The following GRIN3A variants were observed in gnomAD, a reference collection of about 807,000 sequenced individuals.
GRIN3A encodes the protein glutamate ionotropic receptor NMDA type subunit 3A.
GRIN3A carries 47 observed loss-of-function variants against 92.4 expected under a neutral mutation model. That is an observed-to-expected ratio of 0.51 (90% confidence interval 0.40 to 0.65). The LOEUF is 0.65. Ranked by LOEUF, GRIN3A falls within the 30% of genes least tolerant of loss-of-function variation. The pLI, the probability that GRIN3A is intolerant of heterozygous loss-of-function variation, is 0.00. For synonymous variants in GRIN3A, 527 were observed against 540.6 expected (o/e 0.97, Z 0.35); for missense variants, 1,324 against 1,393.1 (o/e 0.95, Z 0.79).
At chr9:101,658,060 A>G (rs1252257167) in intron 3 of GRIN3A, among the ~76,000 whole-genome samples, 3 of 151,882 alleles carry the variant, frequency 2.0e-5, no homozygotes, top group African/African-American at 7.2e-5. Flanking sequence ...GGTAGGGGAG[A>G]ACATTTTTAC....
chr9:101,592,772 A>G (rs879726769), intron 6 of GRIN3A: 2 of 125,588 alleles, frequency 1.6e-5, no homozygotes, highest in Non-Finnish European at 3.5e-5. Context: ...TTTTTTTTCT[A>G]TTTTGGTCAA....
chr9:101,675,068 C>T (rs1729609556), intron 2 of GRIN3A, among the ~76,000 whole-genome samples: 11 of 151,954 alleles, frequency 7.2e-5, no homozygotes, highest in Admixed American at 6.6e-4. Flanking sequence ...GACTAAGAGA[C>T]CACTTACAAT....
At position 101,573,612 on chromosome 9, in the gene GRIN3A, G is replaced by C; in HGVS notation, c.3009-99C>G. 4.2e-6 allele frequency: 4 copies of C among 950,888 alleles called. No homozygotes were observed. The South Asian group carries it at 5.4e-5, about 13-fold the overall frequency. The allele number at this position is 950,888 out of a possible 1,614,324, so 58.9% of individuals were successfully genotyped here. On this transcript the variant is annotated intron_variant, in intron 8 of 8. Coordinates refer to ENST00000361820, the MANE Select transcript of GRIN3A (RefSeq NM_133445.3). ...TTTCCTGTGCAATAATATGGAGCTGGGTGTGCATTTAGAGATGAAGTAACA... is the reference window on the plus strand; with the variant it reads ...TTTCCTGTGCAATAATATGGAGCTGCGTGTGCATTTAGAGATGAAGTAACA...
At chr9:101,647,353 G>A (rs1429442716) in intron 3 of GRIN3A, among the ~76,000 whole-genome samples, 2 of 151,716 alleles carry the variant, frequency 1.3e-5, no homozygotes, top group African/African-American at 2.4e-5. Flanking sequence ...CTACTTGGTC[G>A]TGGTGAATGA....
intron 6 of GRIN3A, among the ~76,000 whole-genome samples, chr9:101,611,643 T>C (rs1022276414): frequency 6.6e-6 from 1 of 152,214 alleles, no homozygotes; most frequent in Non-Finnish European, 1.5e-5. Context: ...TGCTGCTATA[T>C]ATGAGACATT....
In GRIN3A at chr9:101,573,016, C is replaced by T; in HGVS notation, c.*158G>A. 1.5e-6 allele frequency: 1 copy of T among 665,084 alleles called. No individual in the cohort carries two copies. Among genetic ancestry groups the T allele is most frequent in the South Asian group, 1.7e-5 (1 of 58,346 alleles). The allele number at this position is 665,084 out of a possible 1,614,324, so 41.2% of individuals were successfully genotyped here. A position where few individuals can be genotyped will look rare whatever the true frequency, so the allele number is the denominator to read the frequency against. ...TAGAGAGTGAGCTTGAGAGGAGCTG[C>T]TGCTGCACTTTAGGCGAGGGAGAGC... On this transcript the variant is annotated 3_prime_UTR_variant, in exon 9 of 9. Transcript: ENST00000361820.
At chr9:101,673,144 T>C (rs763609471) in intron 2 of GRIN3A, among the ~76,000 whole-genome samples, 7 of 152,114 alleles carry the variant, frequency 4.6e-5, no homozygotes, top group Non-Finnish European at 1.0e-4. Context: ...TGTTTGAGGC[T>C]TAATGATTAT....
chr9:101,666,343 C>T (rs571524394), intron 3 of GRIN3A, among the ~76,000 whole-genome samples: 7 of 151,990 alleles, frequency 4.6e-5, no homozygotes, highest in African/African-American at 1.4e-4. Context: ...AAAAATGCCA[C>T]GTATGCTATA....
At chr9:101,677,498 G>A (rs1829413979) in intron 2 of GRIN3A, among the ~76,000 whole-genome samples, 1 of 151,912 alleles carries the variant, frequency 6.6e-6, no homozygotes, top group South Asian at 2.1e-4. Context: ...ACCATCGTTA[G>A]TTAATTTACT....
At chr9:101,673,007 T>A (rs924288707) in intron 2 of GRIN3A, among the ~76,000 whole-genome samples, 3 of 152,134 alleles carry the variant, frequency 2.0e-5, no homozygotes, top group African/African-American at 4.8e-5. Context: ...AACACACACA[T>A]ATACATACTT....
At chr9:101,607,148 G>A (rs1828297627) in intron 6 of GRIN3A, among the ~76,000 whole-genome samples, 1 of 129,846 alleles carries the variant, frequency 7.7e-6, no homozygotes, top group African/African-American at 3.4e-5. Context: ...ATAAAGCCCT[G>A]GAATTCAGGA....
At chr9:101,731,628 G>A (rs1830140483) in intron 1 of GRIN3A, among the ~76,000 whole-genome samples, 1 of 152,130 alleles carries the variant, frequency 6.6e-6, no homozygotes, top group Non-Finnish European at 1.5e-5. Flanking sequence ...TACTCCTCAT[G>A]ACATAATGCC....
At chr9:101,667,864 G>T (rs550518974) in intron 3 of GRIN3A, among the ~76,000 whole-genome samples, 26 of 152,050 alleles carry the variant, frequency 1.7e-4, no homozygotes, top group Middle Eastern at 3.4e-3. Context: ...AAGTAATCTG[G>T]GTGTCTTTTT....
At chr9:101,600,638 A>G (rs1828198636) in intron 6 of GRIN3A, among the ~76,000 whole-genome samples, 2 of 152,316 alleles carry the variant, frequency 1.3e-5, no homozygotes, top group Middle Eastern at 6.8e-3. Flanking sequence ...CAGGTAGAAG[A>G]AACTCCATGT....
intron 5 of GRIN3A, among the ~76,000 whole-genome samples, chr9:101,614,584 C>CAT (rs1046022914): frequency 1.3e-4 from 18 of 138,166 alleles, no homozygotes; most frequent in African/African-American, 4.5e-4. Flanking sequence ...TTTAGGAATA[C>CAT]ATATATATGC....
intron 6 of GRIN3A, chr9:101,594,315 A>T: frequency 6.9e-7 from 1 of 1,454,468 alleles, no homozygotes; most frequent in Non-Finnish European, 9.3e-7. Flanking sequence ...ATACTTCCAG[A>T]TAAGTCAGAG....
At chr9:101,579,422 G>A (rs983873816) in intron 6 of GRIN3A, 62 bp from the exon 7 acceptor site, 2 of 1,533,286 alleles carry the variant, frequency 1.3e-6, no homozygotes, top group South Asian at 2.3e-5. Context: ...CAATGCTTGT[G>A]TACTCTTTGG....
At chr9:101,623,095 C>A (rs940797663) in intron 5 of GRIN3A, among the ~76,000 whole-genome samples, 1 of 152,028 alleles carries the variant, frequency 6.6e-6, no homozygotes, top group African/African-American at 2.4e-5. Flanking sequence ...ATATGGGTAA[C>A]AATGATTTTT....
At chr9:101,710,735 G>T (rs1001148897) in intron 1 of GRIN3A, among the ~76,000 whole-genome samples, 6 of 152,248 alleles carry the variant, frequency 3.9e-5, no homozygotes, top group African/African-American at 1.4e-4. Flanking sequence ...ATGTGGTACA[G>T]AGTTGACTGG....
Sources: gnomAD v4.1 joint callset for allele counts (sites outside exome capture counted in the v4.1 genomes callset) on GRCh38, gnomAD v4.1.1 for gene constraint, MANE v1.5 for transcripts, NCBI Gene and HGNC (gene_info 2026-07-23, HGNC 2026-07-21) for gene names.